The following PTH2R variants were observed in gnomAD, a reference collection of about 807,000 sequenced individuals.
PTH2R encodes PTH2 receptor.
Under a neutral mutation model 60.3 loss-of-function variants are expected in PTH2R, and 59 were observed. The observed-to-expected ratio is 0.98, with a 90% CI of 0.79 to 1.22. The LOEUF (loss-of-function observed/expected upper bound fraction) is 1.22, where lower values mean the gene tolerates loss of function less well. Ranked by LOEUF, PTH2R falls within the 50% of genes most tolerant of loss-of-function variation. The pLI is 0.00. For missense variants in PTH2R, 749 were observed against 682.6 expected (o/e 1.10, Z -1.08); for synonymous variants, 256 against 243.8 (o/e 1.05, Z -0.47).
At chr2:208,362,027 A>C (rs1294182406) in intron 1 of PTH2R, among the ~76,000 whole-genome samples, 1 of 152,146 alleles carries the variant, frequency 6.6e-6, no homozygotes, top group Non-Finnish European at 1.5e-5. Flanking sequence ...GCCAGAACAA[A>C]CCAAAAAGGT....
intron 9 of PTH2R, among the ~76,000 whole-genome samples, chr2:208,465,541 T>C (rs1702729916): frequency 6.6e-6 from 1 of 151,476 alleles, no homozygotes; most frequent in Admixed American, 6.6e-5. Context: ...TAGCTGATAT[T>C]ACAGGCACGT....
rs554423368 is a variant in PTH2R, at chr2:208,490,562, AC to A, written c.1216-76del. 74 of 1,425,988 alleles carry A rather than the reference AC, an allele frequency of 5.2e-5. 1 individual carries two copies. The African/African-American group carries it at 1.0e-3, about 19-fold the overall frequency. 88.3% of individuals were successfully genotyped at this position (1,425,988 alleles called of 1,614,324 possible). A position where few individuals can be genotyped will look rare whatever the true frequency, so the allele number is the denominator to read the frequency against. On this transcript the variant is annotated intron_variant, in intron 11 of 12. Transcript: ENST00000272847. ...ATCATAAAAAACAATTTTTGGACGTACACATTTTGGCACAAGATGCTTAAGT... is the reference window on the plus strand; with the variant it reads ...ATCATAAAAAACAATTTTTGGACGTAACATTTTGGCACAAGATGCTTAAGT...
chr2:208,447,545 G>A (rs1318731833), intron 7 of PTH2R, among the ~76,000 whole-genome samples: 1 of 149,754 alleles, frequency 6.7e-6, no homozygotes, highest in Non-Finnish European at 1.5e-5. Context: ...CTGAGATCGC[G>A]CCACTGCATT....
chr2:208,458,001 G>C (rs770158701), intron 8 of PTH2R, among the ~76,000 whole-genome samples: 4 of 152,086 alleles, frequency 2.6e-5, no homozygotes, highest in Non-Finnish European at 5.9e-5. Context: ...TCAATACTGG[G>C]TTTTGTGAAA....
intron 1 of PTH2R, among the ~76,000 whole-genome samples, chr2:208,391,767 TC>T (rs1402726465): frequency 6.6e-6 from 1 of 152,162 alleles, no homozygotes. Flanking sequence ...AATGCTCTGG[TC>T]CCCTCAGACA....
At chr2:208,466,808 A>G (rs890893640) in intron 9 of PTH2R, among the ~76,000 whole-genome samples, 14 of 152,190 alleles carry the variant, frequency 9.2e-5, no homozygotes, top group African/African-American at 3.1e-4. Context: ...AAATACATAA[A>G]TATTGCAAAT....
At chr2:208,401,844 C>T (rs1701315804), upstream of PTH2R, among the ~76,000 whole-genome samples, 1 of 152,316 alleles carries the variant, frequency 6.6e-6, no homozygotes, top group South Asian at 2.1e-4. Flanking sequence ...GGATCATTAT[C>T]CTTGAAGCTC....
chr2:208,415,538 A>G (rs1162212252), intron 1 of PTH2R, among the ~76,000 whole-genome samples: 1 of 152,228 alleles, frequency 6.6e-6, no homozygotes, highest in Non-Finnish European at 1.5e-5. Context: ...CATCATGTCA[A>G]AATAAGAAGA....
intron 1 of PTH2R, among the ~76,000 whole-genome samples, chr2:208,369,635 A>G (rs1366596586): frequency 2.6e-5 from 4 of 151,970 alleles, no homozygotes; most frequent in Admixed American, 2.6e-4. Context: ...TGGGATTACA[A>G]GCGTGAGCCA....
chr2:208,410,772 G>T (rs575270275), intron 1 of PTH2R, among the ~76,000 whole-genome samples: 2 of 152,292 alleles, frequency 1.3e-5, no homozygotes, highest in East Asian at 1.9e-4. Flanking sequence ...TTGTGTGTGT[G>T]TGTGTGTGTC....
At chr2:208,372,143 G>T (rs1262297419) in intron 1 of PTH2R, among the ~76,000 whole-genome samples, 1 of 152,014 alleles carries the variant, frequency 6.6e-6, no homozygotes, top group East Asian at 1.9e-4. Context: ...GACTAGTCTC[G>T]AATTCCTAAC....
intron 7 of PTH2R, among the ~76,000 whole-genome samples, chr2:208,445,725 T>C (rs1702275974): frequency 6.6e-6 from 1 of 152,192 alleles, no homozygotes; most frequent in East Asian, 1.9e-4. Context: ...TGCCTTTGCC[T>C]ATTTTGCCTT....
chr2:208,448,944 C>T (rs758674327), intron 7 of PTH2R, among the ~76,000 whole-genome samples: 7 of 151,892 alleles, frequency 4.6e-5, no homozygotes, highest in African/African-American at 1.5e-4. Flanking sequence ...TGCCTGTGTA[C>T]GATATTTGAC....
chr2:208,425,731 G>T (rs1390970128), intron 1 of PTH2R, among the ~76,000 whole-genome samples: 1 of 152,154 alleles, frequency 6.6e-6, no homozygotes, highest in Non-Finnish European at 1.5e-5. Flanking sequence ...GTTTTTCCAG[G>T]CTGTCTTTTT....
intron 1 of PTH2R, among the ~76,000 whole-genome samples, chr2:208,370,266 A>C (rs960062300): frequency 6.6e-6 from 1 of 151,630 alleles, no homozygotes; most frequent in African/African-American, 2.4e-5. Flanking sequence ...ACATGGTGAA[A>C]CCCTGTCTCT....
Position 208,440,869 on chromosome 2 carries a change from A to G in PTH2R, c.412-1495A>G, listed in dbSNP as rs554806902. On this transcript the variant is annotated intron_variant, in intron 4 of 12. Coordinates refer to ENST00000272847, the MANE Select transcript of PTH2R (RefSeq NM_005048.4). ...GCTGGGGCAGGCAGAGGGCTCAGAG[A>G]AATTCCTTGAGATGTGCACAGGGCT... 7.9e-5 allele frequency among the ~76,000 whole-genome samples: 12 copies of G among 152,300 alleles called. No individual in the cohort carries two copies. In the South Asian group the frequency reaches 8.3e-4, roughly 11 times the overall value.
At chr2:208,384,986 C>CA (rs1321213997) in intron 1 of PTH2R, among the ~76,000 whole-genome samples, 1 of 152,136 alleles carries the variant, frequency 6.6e-6, no homozygotes, top group African/African-American at 2.4e-5. Context: ...AAAGCCTAAG[C>CA]AAAAATAGCA....
At chr2:208,396,382 G>A (rs1030940749) in intron 1 of PTH2R, among the ~76,000 whole-genome samples, 1 of 152,130 alleles carries the variant, frequency 6.6e-6, no homozygotes, top group Non-Finnish European at 1.5e-5. Flanking sequence ...GCAACCTACA[G>A]AATGGGAGAA....
At chr2:208,421,511 G>T (rs1283524209) in intron 1 of PTH2R, among the ~76,000 whole-genome samples, 1 of 151,788 alleles carries the variant, frequency 6.6e-6, no homozygotes, top group Non-Finnish European at 1.5e-5. Flanking sequence ...TAGTTTCATG[G>T]TTCATAAAGG....
Sources: gnomAD v4.1 joint callset for allele counts (sites outside exome capture counted in the v4.1 genomes callset) on GRCh38, gnomAD v4.1.1 for gene constraint, MANE v1.5 for transcripts, NCBI Gene and HGNC (gene_info 2026-07-23, HGNC 2026-07-21) for gene names.